The following AVEN variants were observed in gnomAD, a reference collection of about 807,000 sequenced individuals.
AVEN encodes cell death regulator Aven.
A neutral mutation model predicts 38.1 loss-of-function variants in AVEN; 41 were observed. The ratio of observed to expected loss-of-function variants is 1.08; its 90% CI spans 0.84 to 1.40. The LOEUF (loss-of-function observed/expected upper bound fraction) is 1.40. AVEN is among the 40% of genes most tolerant of loss of function. AVEN has a pLI of 0.00. For missense variants in AVEN, 605 were observed against 438.8 expected (o/e 1.38, Z -3.38); for synonymous variants, 206 against 171.8 (o/e 1.20, Z -1.56).
At position 33,931,349 on chromosome 15, in the gene AVEN, CTTTTTTTTTTTTTTTTTTTT is replaced by C. The variant is rs71119903; in HGVS notation, c.446-55374_446-55355del. Among the ~76,000 whole-genome samples, 734 of 89,242 alleles carry C rather than the reference CTTTTTTTTTTTTTTTTTTTT, an allele frequency of 8.2e-3. 2 individuals are homozygous for C. Among genetic ancestry groups the C allele is most frequent in the African/African-American group, 0.036 (698 of 19,366 alleles). 58.5% of individuals were successfully genotyped at this position (89,242 alleles called of 152,430 possible). A position where few individuals can be genotyped will look rare whatever the true frequency, so the allele number is the denominator to read the frequency against. On this transcript the variant is annotated intron_variant, in intron 2 of 5. Transcript: ENST00000306730. ...AAAAAGAAACTATGCTGAATATTTT[CTTTTTTTTTTTTTTTTTTTT>C]TTTTTTTTTTTTTTTTTTTGAGACG...
chr15:34,026,443 G>C (rs1291836909), intron 1 of AVEN, among the ~76,000 whole-genome samples: 5 of 152,136 alleles, frequency 3.3e-5, no homozygotes, highest in African/African-American at 4.8e-5. Context: ...TTGATGACAA[G>C]GGGAGATATG....
chr15:33,974,503 A>G (rs1192290785), intron 2 of AVEN, among the ~76,000 whole-genome samples: 4 of 152,236 alleles, frequency 2.6e-5, no homozygotes, highest in Non-Finnish European at 4.4e-5. Context: ...CTCAACCCCT[A>G]TGATAGAAAT....
downstream of AVEN, chr15:33,865,331 T>G: frequency 2.5e-6 from 2 of 788,642 alleles, no homozygotes; most frequent in South Asian, 1.9e-5. Context: ...ATTTTCTAAA[T>G]GCCTCCCTTA....
At chr15:33,888,501 G>C (rs556616319) in intron 2 of AVEN, among the ~76,000 whole-genome samples, 1 of 152,184 alleles carries the variant, frequency 6.6e-6, no homozygotes, top group East Asian at 1.9e-4. Context: ...GGATGTGCAA[G>C]CAATTTGCTG....
rs1008738968 is a variant in AVEN, at chr15:33,901,396, T to C, written c.446-25401A>G. On this transcript the variant is annotated intron_variant, in intron 2 of 5. Coordinates refer to ENST00000306730, the MANE Select transcript of AVEN (RefSeq NM_020371.3). ...CGTGCATACACACGCACACACGTTT[T>C]ATCTATTTGCCCACTGATGGACACT... Among the ~76,000 whole-genome samples, 6 of 152,152 alleles carry C rather than the reference T, an allele frequency of 3.9e-5. No individual in the cohort carries two copies. In the East Asian group the frequency reaches 9.6e-4, roughly 24 times the overall value.
chr15:34,064,103 C>T (rs1900444543), intron 4 of AVEN: 2 of 1,614,190 alleles, frequency 1.2e-6, no homozygotes, highest in African/African-American at 1.3e-5. Context: ...ACATCATGGT[C>T]CTGGTTTCTA....
intron 3 of AVEN, among the ~76,000 whole-genome samples, chr15:33,874,023 C>T (rs887237169): frequency 6.6e-6 from 1 of 152,090 alleles, no homozygotes; most frequent in African/African-American, 2.4e-5. Flanking sequence ...TCTAACCTCT[C>T]ATCTCATCCG....
intron 2 of AVEN, among the ~76,000 whole-genome samples, chr15:33,882,054 C>G (rs1305266749): frequency 1.3e-5 from 2 of 152,028 alleles, no homozygotes; most frequent in Admixed American, 1.3e-4. Context: ...GGGAGTATAC[C>G]ACTGTCTTCC....
At chr15:33,883,990 A>G (rs1237652464) in intron 2 of AVEN, among the ~76,000 whole-genome samples, 1 of 152,162 alleles carries the variant, frequency 6.6e-6, no homozygotes, top group Non-Finnish European at 1.5e-5. Context: ...CTAGACACCT[A>G]GACTCTTGGC....
intron 2 of AVEN, among the ~76,000 whole-genome samples, chr15:33,887,407 G>A (rs1891749227): frequency 6.6e-6 from 1 of 152,092 alleles, no homozygotes; most frequent in African/African-American, 2.4e-5. Context: ...TTCTAACATA[G>A]GGTAATTATG....
At chr15:33,887,835 A>T (rs745399950) in intron 2 of AVEN, among the ~76,000 whole-genome samples, 2 of 152,196 alleles carry the variant, frequency 1.3e-5, no homozygotes, top group Non-Finnish European at 2.9e-5. Context: ...TGTCTTACTA[A>T]TAACTTGTCT....
At chr15:33,934,409 C>A (rs999937328) in intron 2 of AVEN, among the ~76,000 whole-genome samples, 2 of 152,114 alleles carry the variant, frequency 1.3e-5, no homozygotes, top group African/African-American at 2.4e-5. Flanking sequence ...TTCTAGCAAC[C>A]AAAAGAAGAG....
intron 2 of AVEN, among the ~76,000 whole-genome samples, chr15:33,994,026 G>A (rs949004056): frequency 6.6e-6 from 1 of 152,108 alleles, no homozygotes; most frequent in Non-Finnish European, 1.5e-5. Flanking sequence ...GTGAACATTT[G>A]GGCACACACG....
rs935119285 is a variant in AVEN at position 33,859,937 on chromosome 15, T to G, written n.2730-843A>C. On this transcript the variant is annotated intron_variant and non_coding_transcript_variant, in intron 11 of 11. Transcript: ENST00000675287. ...CACCCAGGCACAGTTATAAGAAGCT[T>G]CATCCATACAGAGGAACCCCTTCCT... Among the ~76,000 whole-genome samples, 12 of 152,190 alleles carry G rather than the reference T, an allele frequency of 7.9e-5. No homozygotes were observed. In the East Asian group the frequency reaches 1.3e-3, roughly 17 times the overall value.
chr15:33,937,405 C>A (rs1894123582), intron 2 of AVEN, among the ~76,000 whole-genome samples: 1 of 151,410 alleles, frequency 6.6e-6, no homozygotes, highest in South Asian at 2.1e-4. Flanking sequence ...TGGTGGCAGG[C>A]GCCTGTAGGC....
At chr15:33,931,914 A>C (rs543002526) in intron 2 of AVEN, among the ~76,000 whole-genome samples, 1 of 152,342 alleles carries the variant, frequency 6.6e-6, no homozygotes, top group South Asian at 2.1e-4. Context: ...GACAGAGATG[A>C]GAGAAAGAAT....
chr15:33,997,611 A>G (rs1247953610), intron 2 of AVEN, among the ~76,000 whole-genome samples: 4 of 152,124 alleles, frequency 2.6e-5, no homozygotes, highest in Non-Finnish European at 4.4e-5. Flanking sequence ...CACTTTCTCA[A>G]GAAGGTCAAT....
rs553700829 is a variant in AVEN at position 33,899,642 on chromosome 15, A to G, written c.446-23647T>C. Among the ~76,000 whole-genome samples the G allele has an allele frequency of 4.9e-5, 7 of 141,484 alleles. No individual in the cohort carries two copies. The South Asian group carries it at 1.6e-3, about 32-fold the overall frequency. 92.8% of individuals were successfully genotyped at this position (141,484 alleles called of 152,430 possible). A position where few individuals can be genotyped will look rare whatever the true frequency, so the allele number is the denominator to read the frequency against. On this transcript the variant is annotated intron_variant, in intron 2 of 5. Coordinates refer to ENST00000306730, the MANE Select transcript of AVEN (RefSeq NM_020371.3). ...CGTCACCAAGCCCAGCTGATTTTTTATTTTTAGTAGAGACAGGGTTTCACC... is the reference window on the plus strand; with the variant it reads ...CGTCACCAAGCCCAGCTGATTTTTTGTTTTTAGTAGAGACAGGGTTTCACC...
intron 2 of AVEN, among the ~76,000 whole-genome samples, chr15:33,906,472 A>C (rs1193351968): frequency 1.3e-5 from 2 of 152,232 alleles, no homozygotes; most frequent in African/African-American, 2.4e-5. Context: ...AATTGTGAAT[A>C]ATGCTCTGCT....
Sources: allele counts gnomAD v4.1 joint callset (sites outside exome capture counted in the v4.1 genomes callset), GRCh38; gene constraint gnomAD v4.1.1; transcripts MANE v1.5; gene names NCBI Gene and HGNC (gene_info 2026-07-23, HGNC 2026-07-21).